GRIN2A: variants seen among roughly 807,000 people sequenced by gnomAD.
GRIN2A encodes the protein glutamate receptor ionotropic, NMDA 2A.
A neutral mutation model predicts 113.4 loss-of-function variants in GRIN2A; 22 were observed. That is an observed-to-expected ratio of 0.19 (90% CI 0.14 to 0.28). The LOEUF is 0.28. GRIN2A is among the 10% of genes least tolerant of loss of function. GRIN2A has a pLI of 1.00. For synonymous variants in GRIN2A, 827 were observed against 738.4 expected (o/e 1.12, Z -1.94); for missense variants, 1,502 against 1,887.0 (o/e 0.80, Z 3.78).
At chr16:9,961,153 G>A (rs1245709114) in intron 2 of GRIN2A, among the ~76,000 whole-genome samples, 1 of 152,112 alleles carries the variant, frequency 6.6e-6, no homozygotes, top group Non-Finnish European at 1.5e-5. Context: ...TTACTTAATG[G>A]CTCTTTATTA....
chr16:9,983,352 T>C (rs565017512), intron 2 of GRIN2A, among the ~76,000 whole-genome samples: 2 of 152,220 alleles, frequency 1.3e-5, no homozygotes, highest in African/African-American at 4.8e-5. Context: ...CACGTGATAT[T>C]TGGTTTTTTG....
intron 3 of GRIN2A, among the ~76,000 whole-genome samples, chr16:9,933,150 G>C (rs1473270339): frequency 6.6e-6 from 1 of 152,214 alleles, no homozygotes; most frequent in African/African-American, 2.4e-5. Context: ...AATGCTGACT[G>C]CTCTTTTCAA....
chr16:10,092,156 T>C (rs114220398), intron 2 of GRIN2A, among the ~76,000 whole-genome samples: 212 of 152,348 alleles, frequency 1.4e-3, no homozygotes, highest in African/African-American at 5.0e-3. Context: ...ATGAGGAGTC[T>C]TTGGGATTGG....
intron 2 of GRIN2A, among the ~76,000 whole-genome samples, chr16:10,106,633 G>A (rs1198633358): frequency 1.3e-5 from 2 of 152,118 alleles, no homozygotes; most frequent in African/African-American, 2.4e-5. Flanking sequence ...CTCCGATGAC[G>A]TCTGTTGAAT....
At chr16:10,120,510 C>A (rs889413625) in intron 2 of GRIN2A, among the ~76,000 whole-genome samples, 2 of 152,194 alleles carry the variant, frequency 1.3e-5, no homozygotes, top group Middle Eastern at 3.4e-3. Flanking sequence ...CTTCCTCATT[C>A]ATGAAACAGT....
At chr16:9,888,219 G>A (rs561963587) in intron 4 of GRIN2A, among the ~76,000 whole-genome samples, 61 of 152,298 alleles carry the variant, frequency 4.0e-4, no homozygotes, top group African/African-American at 1.4e-3. Context: ...GGAATTACAA[G>A]TGTTAGAAAA....
At chr16:10,028,455 C>T (rs1176109713) in intron 2 of GRIN2A, among the ~76,000 whole-genome samples, 2 of 152,190 alleles carry the variant, frequency 1.3e-5, no homozygotes, top group Non-Finnish European at 2.9e-5. Context: ...CCATGTGACT[C>T]GTTCATCCAA....
Position 9,935,512 on chromosome 16 carries a change from T to TCACACACACACACACA in GRIN2A, c.1007+2431_1007+2446dup, listed in dbSNP as rs71157793. Among the ~76,000 whole-genome samples the TCACACACACACACACA allele has an allele frequency of 8.2e-4, 109 of 132,900 alleles. 2 individuals are homozygous for TCACACACACACACACA. The Middle Eastern group carries it at 0.012, about 14-fold the overall frequency. 87.2% of individuals were successfully genotyped at this position (132,900 alleles called of 152,430 possible). ...TAAGAAGTATATTCTGTCTACTTCATCACACACACACACACACACACACAC... is the reference window on the plus strand; with the variant it reads ...TAAGAAGTATATTCTGTCTACTTCATCACACACACACACACACACACACACACACACACACACACAC... On this transcript the variant is annotated intron_variant, in intron 3 of 12. Transcript: ENST00000330684.
rs144339166 is a variant in GRIN2A at position 10,135,675 on chromosome 16, G to C, written c.414+44323C>G. Reference sequence around the variant, plus strand: ...TTACATGATTGTGGGGAATGGGTAGGTAAGTCCAATATCCACAGGGCAGGC... The same window carrying C: ...TTACATGATTGTGGGGAATGGGTAGCTAAGTCCAATATCCACAGGGCAGGC... On this transcript the variant is annotated intron_variant, in intron 2 of 12. Transcript: ENST00000330684. Among the ~76,000 whole-genome samples the C allele has an allele frequency of 5.9e-5, 9 of 152,296 alleles. No homozygotes were observed. The East Asian group carries it at 1.7e-3, about 29-fold the overall frequency.
intron 2 of GRIN2A, among the ~76,000 whole-genome samples, chr16:10,104,120 T>C (rs1567301440): frequency 6.6e-6 from 1 of 152,270 alleles, no homozygotes; most frequent in East Asian, 1.9e-4. Context: ...CAAAGGGTTG[T>C]TATTTTTTCT....
At chr16:9,934,678 TAAAAAAAAAAAAA>T (rs33916243) in intron 3 of GRIN2A, among the ~76,000 whole-genome samples, 11 of 50,942 alleles carry the variant, frequency 2.2e-4, no homozygotes, top group Non-Finnish European at 2.7e-4. Context: ...AGACTCTGTC[TAAAAAAAAAAAAA>T]AAAAAAAAAA....
At chr16:9,775,183 T>C (rs367966006) in intron 11 of GRIN2A, among the ~76,000 whole-genome samples, 4 of 152,160 alleles carry the variant, frequency 2.6e-5, no homozygotes, top group African/African-American at 9.7e-5. Context: ...TAAAATCAGC[T>C]TCCACAGGCA....
Position 9,755,290 on chromosome 16 carries a change from C to T in GRIN2A, c.*7859G>A. 5.4e-6 allele frequency: 1 copy of T among 186,888 alleles called. No individual in the cohort carries two copies. Among genetic ancestry groups the T allele is most frequent in the Non-Finnish European group, 1.1e-5 (1 of 88,468 alleles). 11.6% of individuals were successfully genotyped at this position (186,888 alleles called of 1,614,324 possible). On this transcript the variant is annotated 3_prime_UTR_variant, in exon 13 of 13. Transcript: ENST00000330684. ...GTTGCATGCTTTGAAATACAACCCC[C>T]AGAGAAGAAATGCTATTGGTCAAAT...
chr16:9,872,589 A>C (rs180700215), intron 4 of GRIN2A, among the ~76,000 whole-genome samples: 1 of 152,246 alleles, frequency 6.6e-6, no homozygotes, highest in Non-Finnish European at 1.5e-5. Flanking sequence ...ATGAAACTCA[A>C]ATCTTCGGGT....
chr16:9,780,705 A>C (rs1901887344), intron 11 of GRIN2A, among the ~76,000 whole-genome samples: 1 of 152,260 alleles, frequency 6.6e-6, no homozygotes, highest in Non-Finnish European at 1.5e-5. Flanking sequence ...GTCATAGTTT[A>C]TAGAAGGTAA....
At chr16:9,806,745 T>TTA (rs2041975838) in intron 10 of GRIN2A, among the ~76,000 whole-genome samples, 1 of 151,078 alleles carries the variant, frequency 6.6e-6, no homozygotes, top group African/African-American at 2.4e-5. Context: ...AAGTGAGATA[T>TTA]ATTGCAAGAA....
rs33916243 is a variant in GRIN2A, at chr16:9,934,678, T to TAAAAA, written c.1007+3276_1007+3280dup. On this transcript the variant is annotated intron_variant, in intron 3 of 12. Coordinates refer to ENST00000330684, the MANE Select transcript of GRIN2A (RefSeq NM_001134407.3). ...CTGGGAGACAGAGCGAGACTCTGTCTAAAAAAAAAAAAAAAAAAAAAAAAA... is the reference window on the plus strand; with the variant it reads ...CTGGGAGACAGAGCGAGACTCTGTCTAAAAAAAAAAAAAAAAAAAAAAAAAAAAAA... Among the ~76,000 whole-genome samples the TAAAAA allele has an allele frequency of 7.1e-3, 359 of 50,892 alleles. 32 individuals carry two copies. The highest frequency in any genetic ancestry group is 0.015 in the African/African-American group (186 of 12,060). 33.4% of individuals were successfully genotyped at this position (50,892 alleles called of 152,430 possible).
intron 2 of GRIN2A, among the ~76,000 whole-genome samples, chr16:10,075,287 G>T (rs557296536): frequency 6.6e-6 from 1 of 152,140 alleles, no homozygotes; most frequent in Admixed American, 6.5e-5. Context: ...TACTAAATCA[G>T]ATTAGGAAAC....
At chr16:9,998,488 T>C (rs964825724) in intron 2 of GRIN2A, among the ~76,000 whole-genome samples, 30 of 152,352 alleles carry the variant, frequency 2.0e-4, no homozygotes, top group African/African-American at 5.8e-4. Flanking sequence ...TTGCACAACA[T>C]TGTGAATGTA....
Sources: allele counts gnomAD v4.1 joint callset (sites outside exome capture counted in the v4.1 genomes callset), GRCh38; gene constraint gnomAD v4.1.1; transcripts MANE v1.5; gene names NCBI Gene and HGNC (gene_info 2026-07-23, HGNC 2026-07-21).